The following DENND1A variants were observed in gnomAD, a reference collection of about 807,000 sequenced individuals.
DENND1A encodes DENN domain-containing protein 1A.
A neutral mutation model predicts 113.7 loss-of-function variants in DENND1A; 51 were observed. The observed-to-expected ratio is 0.45, with a 90% CI of 0.36 to 0.57. The LOEUF (loss-of-function observed/expected upper bound fraction) is 0.57. DENND1A is among the 20% of genes least tolerant of loss of function. The pLI, the probability that DENND1A is intolerant of heterozygous loss-of-function variation, is 0.00. For synonymous variants in DENND1A, 565 were observed against 570.8 expected (o/e 0.99, Z 0.14); for missense variants, 1,258 against 1,395.9 (o/e 0.90, Z 1.57).
chr9:123,502,166 CCTGA>C (rs1490903420), intron 13 of DENND1A, among the ~76,000 whole-genome samples: 4 of 150,650 alleles, frequency 2.7e-5, no homozygotes, highest in Admixed American at 1.3e-4. Flanking sequence ...TCTAGAGAAC[CCTGA>C]CTAATACAGG....
At chr9:123,787,695 T>C (rs1482054729) in intron 3 of DENND1A, among the ~76,000 whole-genome samples, 1 of 152,164 alleles carries the variant, frequency 6.6e-6, no homozygotes, top group African/African-American at 2.4e-5. Flanking sequence ...CTTTTTAGTA[T>C]ATAGTTGGTA....
chr9:123,730,964 G>A (rs536782616), intron 5 of DENND1A, among the ~76,000 whole-genome samples: 1 of 152,230 alleles, frequency 6.6e-6, no homozygotes, highest in East Asian at 1.9e-4. Context: ...GCAGCGACAT[G>A]GATGAAGCTG....
At chr9:123,873,170 CA>C (rs1846918760) in intron 2 of DENND1A, among the ~76,000 whole-genome samples, 1 of 152,160 alleles carries the variant, frequency 6.6e-6, no homozygotes, top group Admixed American at 6.5e-5. Context: ...TAGAAACCGA[CA>C]AAGGTACCTG....
rs112054196 is a variant in DENND1A, at chr9:123,897,619, T to C, written c.18-18598A>G. Among the ~76,000 whole-genome samples, 615 of 152,064 alleles carry C rather than the reference T, an allele frequency of 4.0e-3. 6 individuals are homozygous for C. The highest frequency in any genetic ancestry group is 3.4e-3 in the Middle Eastern group (1 of 294). On this transcript the variant is annotated intron_variant, in intron 1 of 23. Coordinates refer to ENST00000394215, the MANE Select transcript of DENND1A (RefSeq NM_001352964.2). ...GGCAAGAGAGGGCAGTTCAAGAAAATGACTTCAGAAAGCTGATTTTGAACT... is the reference window on the plus strand; with the variant it reads ...GGCAAGAGAGGGCAGTTCAAGAAAACGACTTCAGAAAGCTGATTTTGAACT...
At position 123,847,068 on chromosome 9, in the gene DENND1A, C is replaced by T. The variant is rs540328244; in HGVS notation, c.88+31883G>A. On this transcript the variant is annotated intron_variant, in intron 2 of 23. Coordinates refer to ENST00000394215, the MANE Select transcript of DENND1A (RefSeq NM_001352964.2). ...TATTTGCCCAGACTGATCTTGAATT[C>T]CTGGCCTCAAGCAATCCTTTCACAT... Among the ~76,000 whole-genome samples the T allele has an allele frequency of 3.9e-5, 6 of 152,220 alleles. No individual in the cohort carries two copies. The East Asian group carries it at 1.2e-3, about 29-fold the overall frequency.
chr9:123,433,513 C>T (rs935946342), intron 19 of DENND1A, among the ~76,000 whole-genome samples: 4 of 152,194 alleles, frequency 2.6e-5, no homozygotes, highest in African/African-American at 9.6e-5. Context: ...CTTCACCCCA[C>T]AGACTTCAGC....
At chr9:123,928,958 A>G (rs1490720750) in intron 1 of DENND1A, 25 of 943,704 alleles carry the variant, frequency 2.6e-5, no homozygotes, top group Non-Finnish European at 3.2e-5. Context: ...CACAGAGGAA[A>G]AAGTGAACAT....
chr9:123,536,334 G>T (rs1430133980), intron 13 of DENND1A, among the ~76,000 whole-genome samples: 2 of 152,088 alleles, frequency 1.3e-5, no homozygotes, highest in Non-Finnish European at 2.9e-5. Flanking sequence ...GCCGGGCGTG[G>T]TGGCACATGC....
rs74682747 is a variant in DENND1A, at chr9:123,519,478, C to T, written c.993+38092G>A. On this transcript the variant is annotated intron_variant, in intron 13 of 23. Coordinates refer to ENST00000394215, the MANE Select transcript of DENND1A (RefSeq NM_001352964.2). ...TTTGAGGCAGAGTCTCACCCTGCTG[C>T]CCAGGCTGGAATGTGGTGGCACGAT... 4.8e-3 allele frequency among the ~76,000 whole-genome samples: 732 copies of T among 151,548 alleles called. 8 individuals carry two copies. In the East Asian group the frequency reaches 0.063, roughly 13 times the overall value.
At position 123,834,460 on chromosome 9, in the gene DENND1A, C is replaced by A. The variant is rs72757144; in HGVS notation, c.89-41830G>T. 5.2e-3 allele frequency among the ~76,000 whole-genome samples: 791 copies of A among 152,304 alleles called. 5 individuals are homozygous for A. Among genetic ancestry groups the A allele is most frequent in the Non-Finnish European group, 7.2e-3 (488 of 68,026 alleles). On this transcript the variant is annotated intron_variant, in intron 2 of 23. Transcript: ENST00000394215. ...TTAACAAAGCAAGTAGCAGAGGGAG[C>A]TTTCAATCAGTTCATTGGTTTGGTG... is the stretch of plus-strand genomic sequence containing the variant.
chr9:123,457,973 A>T, intron 13 of DENND1A, 76 bp from the exon 14 acceptor site: 2 of 1,064,342 alleles, frequency 1.9e-6, no homozygotes, highest in Non-Finnish European at 2.7e-6. Context: ...CTATTTGCAG[A>T]GTTTCTCCAT....
chr9:123,517,937 T>C (rs1423445963), intron 13 of DENND1A, among the ~76,000 whole-genome samples: 1 of 152,214 alleles, frequency 6.6e-6, no homozygotes, highest in Admixed American at 6.5e-5. Flanking sequence ...TATGCTTTTC[T>C]GTCTTTTCCA....
chr9:123,826,259 C>A (rs772806956), intron 2 of DENND1A, among the ~76,000 whole-genome samples: 1 of 152,052 alleles, frequency 6.6e-6, no homozygotes, highest in Non-Finnish European at 1.5e-5. Context: ...AAATATTAGC[C>A]AGGTGCAGTG....
rs78199441 is a variant in DENND1A, at chr9:123,676,409, C to T, written c.372+311G>A. 3.9e-3 allele frequency among the ~76,000 whole-genome samples: 593 copies of T among 152,144 alleles called. 5 individuals carry two copies. Among genetic ancestry groups the T allele is most frequent in the African/African-American group, 0.014 (569 of 41,486 alleles). On this transcript the variant is annotated intron_variant, in intron 6 of 23. Transcript: ENST00000394215. The stretch of plus-strand genomic sequence containing the variant: ...AATTTAATACATGTCACAAACTTTC[C>T]GGGCTGCTTGGGAATATTAGAAATT...
intron 5 of DENND1A, among the ~76,000 whole-genome samples, chr9:123,757,469 A>G (rs992348676): frequency 6.6e-6 from 1 of 152,234 alleles, no homozygotes; most frequent in African/African-American, 2.4e-5. Context: ...ACTACTCAGA[A>G]GAGATGGTCC....
At chr9:123,884,995 G>GCGCA (rs1335494511) in intron 1 of DENND1A, among the ~76,000 whole-genome samples, 1 of 126,126 alleles carries the variant, frequency 7.9e-6, no homozygotes, top group African/African-American at 3.7e-5. Flanking sequence ...GCGAGCGCGC[G>GCGCA]CGCACACACA....
At chr9:123,612,905 G>C (rs915835358) in intron 10 of DENND1A, among the ~76,000 whole-genome samples, 4 of 152,160 alleles carry the variant, frequency 2.6e-5, no homozygotes, top group African/African-American at 9.7e-5. Context: ...GCAGCACATG[G>C]TAGGGTTTTC....
intron 19 of DENND1A, among the ~76,000 whole-genome samples, chr9:123,420,610 G>C (rs1163950670): frequency 1.3e-5 from 2 of 152,214 alleles, no homozygotes; most frequent in African/African-American, 4.8e-5. Context: ...TGAGCTGAAA[G>C]ACATCTCAGA....
intron 12 of DENND1A, among the ~76,000 whole-genome samples, chr9:123,578,127 C>T (rs1408997288): frequency 6.6e-6 from 1 of 152,202 alleles, no homozygotes; most frequent in Non-Finnish European, 1.5e-5. Flanking sequence ...TAGCTCCCTC[C>T]TGTCTGATAC....
Sources: gnomAD v4.1 joint callset for allele counts (sites outside exome capture counted in the v4.1 genomes callset) on GRCh38, gnomAD v4.1.1 for gene constraint, MANE v1.5 for transcripts, NCBI Gene and HGNC (gene_info 2026-07-23, HGNC 2026-07-21) for gene names.